The following MKRN2 variants were observed in gnomAD, a reference collection of about 807,000 sequenced individuals.
The protein encoded by MKRN2 is E3 ubiquitin-protein ligase makorin-2.
Under a neutral mutation model 45.4 loss-of-function variants are expected in MKRN2, and 32 were observed. The observed-to-expected ratio is 0.70, with a 90% CI of 0.53 to 0.95. The LOEUF (loss-of-function observed/expected upper bound fraction) is 0.95, where lower values mean the gene tolerates loss of function less well. Among genes scored for constraint, MKRN2 ranks in the 40% least tolerant of loss-of-function variants. The pLI is 0.00. For synonymous variants in MKRN2, 206 were observed against 192.4 expected, an observed-to-expected ratio of 1.07 and a Z score of -0.59; for missense variants, 526 against 536.7, an observed-to-expected ratio of 0.98 and a Z score of 0.20.
chr3:12,574,957 T>C lies in MKRN2; in HGVS notation c.808T>C (p.Cys270Arg). 1 of 1,614,268 alleles carries C rather than the reference T, an allele frequency of 6.2e-7. No homozygotes were observed. The highest frequency in any genetic ancestry group is 1.1e-5 in the South Asian group (1 of 91,092). Residue 270 changes from cysteine (C) to arginine (R), a missense_variant, in exon 5 of 8, where the codon TGC becomes CGC. By Grantham distance (180) the Cys-to-Arg change is radical. Transcript: ENST00000170447. ...SNCNHTYCLS[C>R]IRQWRCAKQF... ...TTGCAATCACACGTACTGTTTGTCC[T>C]GCATCCGGCAGTGGCGGTGTGCCAA...
chr3:12,582,344 T>TGAC lies in MKRN2; in HGVS notation c.*93_*95dup. 1 of 1,517,342 alleles carries TGAC rather than the reference T, an allele frequency of 6.6e-7. No homozygotes were observed. Among genetic ancestry groups the TGAC allele is most frequent in the East Asian group, 2.3e-5 (1 of 44,010 alleles). 94.0% of individuals were successfully genotyped at this position (1,517,342 alleles called of 1,614,324 possible). A position where few individuals can be genotyped will look rare whatever the true frequency, so the allele number is the denominator to read the frequency against. On this transcript the variant is annotated 3_prime_UTR_variant, in exon 8 of 8. Transcript: ENST00000170447. ...GAGCTTCCCTGTACTGCAGCCAAGGTGACGTGTGACTTGGATTTGAGTGGA... is the reference window on the plus strand; with the variant it reads ...GAGCTTCCCTGTACTGCAGCCAAGGTGACGACGTGTGACTTGGATTTGAGTGGA...
In MKRN2 at chr3:12,575,986, G is replaced by C. The variant is rs577394286; in HGVS notation, c.858-645G>C. On this transcript the variant is annotated intron_variant, in intron 5 of 7. Transcript: ENST00000170447. ...GAATAATGCTGCTGTCAACATTTGT[G>C]AACACAGCATGTGGGCATGTGTTTT... Among the ~76,000 whole-genome samples the C allele has an allele frequency of 5.9e-5, 9 of 152,278 alleles. No individual in the cohort carries two copies. The East Asian group carries it at 1.7e-3, about 29-fold the overall frequency.
At chr3:12,561,870 A>G (rs1238039623) in intron 1 of MKRN2, among the ~76,000 whole-genome samples, 1 of 152,118 alleles carries the variant, frequency 6.6e-6, no homozygotes, top group Non-Finnish European at 1.5e-5. Flanking sequence ...ATAATTCTCA[A>G]ACTGCTTAGA....
intron 1 of MKRN2, among the ~76,000 whole-genome samples, chr3:12,558,772 T>C (rs2058007517): frequency 6.6e-6 from 1 of 152,220 alleles, no homozygotes; most frequent in Admixed American, 6.5e-5. Flanking sequence ...TGTTGCTCCA[T>C]ATAAATGAAG....
chr3:12,566,452 GT>G (rs1373013776), intron 1 of MKRN2, among the ~76,000 whole-genome samples: 1 of 95,508 alleles, frequency 1.0e-5, no homozygotes, highest in Non-Finnish European at 1.9e-5. Context: ...AAGCAAGTTT[GT>G]TTCTCTCTCT....
chr3:12,557,463 C>T (rs1427116069), intron 1 of MKRN2, among the ~76,000 whole-genome samples: 2 of 152,172 alleles, frequency 1.3e-5, no homozygotes, highest in South Asian at 2.1e-4. Flanking sequence ...CAGGGCCGTG[C>T]AGGATGCCGG....
At chr3:12,567,717 C>T (rs950557117) in intron 1 of MKRN2, among the ~76,000 whole-genome samples, 5 of 152,032 alleles carry the variant, frequency 3.3e-5, no homozygotes, top group African/African-American at 9.6e-5. Flanking sequence ...TCTGGAACCC[C>T]CGACCTCAGG....
At chr3:12,557,215 C>T (rs758291130) in intron 1 of MKRN2, 39 bp downstream of exon 1, 954 of 1,529,382 alleles carry the variant, frequency 6.2e-4, no homozygotes, top group Non-Finnish European at 7.6e-4. Context: ...GCCGCTCCCC[C>T]AGGCCGCAGG....
intron 5 of MKRN2, among the ~76,000 whole-genome samples, chr3:12,575,889 G>T (rs2058132081): frequency 6.6e-6 from 1 of 152,194 alleles, no homozygotes; most frequent in South Asian, 2.1e-4. Flanking sequence ...CCATTGTATG[G>T]ACGCAGCACA....
chr3:12,582,341 A>G lies in MKRN2; in HGVS notation c.*88A>G. The G allele has an allele frequency of 6.5e-7, 1 of 1,538,400 alleles. No individual in the cohort carries two copies. Among genetic ancestry groups the G allele is most frequent in the Non-Finnish European group, 8.9e-7 (1 of 1,125,194 alleles). ...GCGGAGCTTCCCTGTACTGCAGCCA[A>G]GGTGACGTGTGACTTGGATTTGAGT... On this transcript the variant is annotated 3_prime_UTR_variant, in exon 8 of 8. Transcript: ENST00000170447.
At chr3:12,559,677 G>T (rs980447613) in intron 1 of MKRN2, among the ~76,000 whole-genome samples, 1 of 152,136 alleles carries the variant, frequency 6.6e-6, no homozygotes, top group Admixed American at 6.5e-5. Flanking sequence ...GTACAGTTAT[G>T]CTGTCAGTCA....
chr3:12,569,143 A>C, intron 2 of MKRN2, 140 bp downstream of exon 2: 1 of 1,101,054 alleles, frequency 9.1e-7, no homozygotes, highest in Non-Finnish European at 1.2e-6. Flanking sequence ...CCTCAGTTTC[A>C]GTACCCTAAA....
At position 12,574,987 on chromosome 3, in the gene MKRN2, T is replaced by G; in HGVS notation, c.838T>G (p.Phe280Val). ...CCGGCAGTGGCGGTGTGCCAAACAG[T>G]TTGAAAACCCAATCATTAAGTAAGT... Reference protein sequence around the residue: ...CIRQWRCAKQFENPIIKSCPE... With the variant: ...CIRQWRCAKQVENPIIKSCPE... The change falls in exon 5 of 8, where the codon TTT becomes GTT. Residue 280 changes from phenylalanine (F) to valine (V), a missense_variant. Physicochemically the swap from Phe to Val is conservative, Grantham distance 50. Transcript: ENST00000170447. The G allele has an allele frequency of 6.2e-7, 1 of 1,614,116 alleles. No homozygotes were observed. The highest frequency in any genetic ancestry group is 8.5e-7 in the Non-Finnish European group (1 of 1,179,958).
chr3:12,558,019 G>C (rs527335404), intron 1 of MKRN2, among the ~76,000 whole-genome samples: 1 of 152,356 alleles, frequency 6.6e-6, no homozygotes, highest in East Asian at 1.9e-4. Flanking sequence ...CTATTGAATT[G>C]TATGTTTGGA....
Position 12,570,093 on chromosome 3 carries a change from G to C in MKRN2, c.178G>C (p.Ala60Pro). ...TAGATATGACCACACGAGGCCCTCTGCTGCAGCTGGAGGTGCTGTGGGCAC... is the reference window on the plus strand; with the variant it reads ...TAGATATGACCACACGAGGCCCTCTCCTGCAGCTGGAGGTGCTGTGGGCAC... ...RCRYDHTRPS[A>P]AAGGAVGTMA... Residue 60 changes from alanine to proline, a missense_variant, in exon 3 of 8, where the codon GCT becomes CCT. By Grantham distance (27) the Ala-to-Pro change is conservative. Transcript: ENST00000170447. 1 of 1,612,568 alleles carries C rather than the reference G, an allele frequency of 6.2e-7. No homozygotes were observed. The highest frequency in any genetic ancestry group is 1.1e-5 in the South Asian group (1 of 90,990).
Position 12,581,917 on chromosome 3 carries a change from C to T in MKRN2, c.1078C>T (p.Pro360Ser). ...PDGRLAEPEKPRKQLSSQGTV... is the reference protein window; with the variant it reads ...PDGRLAEPEKSRKQLSSQGTV... ...TGGGCGGCTAGCAGAGCCTGAGAAA[C>T]CTCGGAAACAGCTCAGTTCTCAAGG... The change falls in exon 7 of 8, where the codon CCT (proline) becomes TCT (serine). Residue 360 changes from proline (P) to serine (S), a missense_variant. Pro to Ser is a moderately conservative substitution (Grantham distance 74). Coordinates refer to ENST00000170447, the MANE Select transcript of MKRN2 (RefSeq NM_014160.5). 2.5e-6 allele frequency: 4 copies of T among 1,614,192 alleles called. No homozygotes were observed. The highest frequency in any genetic ancestry group is 1.1e-5 in the South Asian group (1 of 91,084).
At chr3:12,580,826 C>T (rs545467453) in intron 6 of MKRN2, among the ~76,000 whole-genome samples, 1 of 152,318 alleles carries the variant, frequency 6.6e-6, no homozygotes, top group South Asian at 2.1e-4. Flanking sequence ...TGCGGCCATC[C>T]CATCTGACAA....
chr3:12,572,388 C>T lies in MKRN2; in HGVS notation c.642+15C>T. The stretch of plus-strand genomic sequence containing the variant: ...CTCATGAAAAGGTAAAGTCACAAAC[C>T]TTTGCATGAACTCATGTTAAGAAAT... On this transcript the variant is annotated intron_variant, in intron 4 of 7. Coordinates refer to ENST00000170447, the MANE Select transcript of MKRN2 (RefSeq NM_014160.5). 1.3e-6 allele frequency: 2 copies of T among 1,539,136 alleles called. No individual in the cohort carries two copies. Among genetic ancestry groups the T allele is most frequent in the East Asian group, 2.3e-5 (1 of 43,994 alleles).
chr3:12,574,059 A>G (rs2058116246), intron 4 of MKRN2, among the ~76,000 whole-genome samples: 1 of 152,196 alleles, frequency 6.6e-6, no homozygotes. Context: ...TTAAATGGAC[A>G]GCGTATTCCT....
Sources: allele counts gnomAD v4.1 joint callset (sites outside exome capture counted in the v4.1 genomes callset), GRCh38; gene constraint gnomAD v4.1.1; transcripts MANE v1.5; gene names NCBI Gene and HGNC (gene_info 2026-07-23, HGNC 2026-07-21).